FAT1: variants seen among roughly 807,000 people sequenced by gnomAD.
FAT1 encodes FAT atypical cadherin 1, also known as protocadherin Fat 1.
FAT1 carries 171 observed loss-of-function variants against 329.8 expected under a neutral mutation model. That is an observed-to-expected ratio of 0.52 (90% CI 0.46 to 0.59). FAT1 has a LOEUF of 0.59. Among genes scored for constraint, FAT1 ranks in the 20% least tolerant of loss-of-function variants. FAT1 has a pLI of 0.00. For synonymous variants in FAT1, 2,233 were observed against 2,228.6 expected (o/e 1.00, Z -0.06); for missense variants, 5,672 against 5,774.4 (o/e 0.98, Z 0.57).
rs2126350683 is a variant in FAT1 at position 186,588,818 on chromosome 4, T to A, written c.13541A>T (p.Glu4514Val). The A allele has an allele frequency of 6.2e-7, 1 of 1,613,954 alleles. No individual in the cohort carries two copies. Among genetic ancestry groups the A allele is most frequent in the Non-Finnish European group, 8.5e-7 (1 of 1,179,886 alleles). Residue 4514 changes from glutamate (E) to valine (V), a missense_variant, in exon 27 of 27, where the codon GAA (glutamate) becomes GTA (valine). Glu to Val is a moderately radical substitution (Grantham distance 121). This residue lies in a region of FAT1 where 1,706 missense variants were observed against 1,859.1 expected (regional missense o/e 0.92). Transcript: ENST00000441802. ...KGTGENSTCR[E>V]PHAPYPPGYQ... ...CCCTGGCGGGTAAGGGGCATGGGGT[T>A]CTCTACAAGTACTATTCTCACCAGT...
At position 186,617,939 on chromosome 4, in the gene FAT1, A is replaced by G. The variant is rs2126489468; in HGVS notation, c.8647T>C (p.Tyr2883His). The G allele has an allele frequency of 6.2e-7, 1 of 1,614,008 alleles. No individual in the cohort carries two copies. The highest frequency in any genetic ancestry group is 8.5e-7 in the Non-Finnish European group (1 of 1,179,886). The change falls in exon 10 of 27, where the codon TAC (tyrosine) becomes CAC (histidine). Residue 2883 changes from tyrosine (Y) to histidine (H), a missense_variant. Physicochemically the swap from Tyr to His is moderately conservative, Grantham distance 83 (BLOSUM62 2). Transcript: ENST00000441802. ...TCTGATGCAACCACTTTAATCTGGT[A>G]ATTGTCTCTCTTTTCATGGTCAAGT... ...KELDHEKRDN[Y>H]QIKVVASDHG... is the part of the protein sequence containing the mutation.
In FAT1 at chr4:186,619,962, G is replaced by A. The variant is rs769774359; in HGVS notation, c.6624C>T (p.Ser2208=). 1.2e-5 allele frequency: 20 copies of A among 1,613,882 alleles called. No individual in the cohort carries two copies. Among genetic ancestry groups the A allele is most frequent in the Non-Finnish European group, 1.6e-5 (19 of 1,179,892 alleles). Residue 2208 remains serine, a synonymous_variant, in exon 10 of 27, where the codon AGC becomes AGT. Coordinates refer to ENST00000441802, the MANE Select transcript of FAT1 (RefSeq NM_005245.4). The stretch of plus-strand genomic sequence containing the variant: ...TGTAGAACACTTTCAGGCCTTCCGG[G>A]CTGTTAGCCTGCACGTGGACCACAG... ...HSPVVHVQAN[S]PEGLKVFYSI...
At chr4:186,659,306 T>C (rs1742057902) in intron 3 of FAT1, among the ~76,000 whole-genome samples, 1 of 152,194 alleles carries the variant, frequency 6.6e-6, no homozygotes, top group Non-Finnish European at 1.5e-5. Flanking sequence ...ATCCCTGGCA[T>C]TCAGCCTCCC....
chr4:186,610,121 A>G (rs1182775880), intron 14 of FAT1, 106 bp from the exon 15 acceptor site: 2 of 654,778 alleles, frequency 3.1e-6, no homozygotes, highest in Non-Finnish European at 5.2e-6. Flanking sequence ...TTTCACTTCA[A>G]AAGTTTACTT....
At chr4:186,698,420 C>T (rs189837435) in intron 2 of FAT1, among the ~76,000 whole-genome samples, 5 of 152,210 alleles carry the variant, frequency 3.3e-5, no homozygotes, top group African/African-American at 7.2e-5. Flanking sequence ...GACTTACGTG[C>T]GCCCACAAAG....
chr4:186,697,109 C>T (rs1261758870), intron 2 of FAT1, among the ~76,000 whole-genome samples: 1 of 152,142 alleles, frequency 6.6e-6, no homozygotes, highest in Admixed American at 6.5e-5. Flanking sequence ...AGTTTCCTGA[C>T]AGATTGCCTT....
rs2126691614 is a variant in FAT1, at chr4:186,707,822, A to T, written c.2006T>A (p.Leu669Gln). The change falls in exon 2 of 27, where the codon CTG becomes CAG. Residue 669 changes from leucine (L) to glutamine (Q), a missense_variant. Leu to Gln is a moderately radical substitution (Grantham distance 113). Coordinates refer to ENST00000441802, the MANE Select transcript of FAT1 (RefSeq NM_005245.4). ...AGTCTCTTCACACTGCAAGTTTACCAGCTTGTGACTGGCAGCCACTGTTAT... is the reference window on the plus strand; with the variant it reads ...AGTCTCTTCACACTGCAAGTTTACCTGCTTGTGACTGGCAGCCACTGTTAT... ...INITVAASHK[L>Q]VNLQCEETGV... The T allele has an allele frequency of 6.2e-7, 1 of 1,613,746 alleles. No individual in the cohort carries two copies. Among genetic ancestry groups the T allele is most frequent in the Non-Finnish European group, 8.5e-7 (1 of 1,179,896 alleles).
At position 186,628,336 on chromosome 4, in the gene FAT1, C is replaced by G. The variant is rs1050292453; in HGVS notation, c.4628G>C (p.Arg1543Pro). 2 of 1,612,866 alleles carry G rather than the reference C, an allele frequency of 1.2e-6. No homozygotes were observed. The highest frequency in any genetic ancestry group is 1.7e-6 in the Non-Finnish European group (2 of 1,179,368). The change falls in exon 9 of 27, where the codon CGC becomes CCC. Residue 1543 changes from arginine to proline, a missense_variant. Arg to Pro is a moderately radical substitution (Grantham distance 103). Transcript: ENST00000441802. ...MVRDQDVPVK[R>P]NFARIVVNVS... ...ATTGACCACAATCCTTGCAAAGTTG[C>G]GTTTTACAGGCACATCTTGATCTCG...
intron 2 of FAT1, among the ~76,000 whole-genome samples, chr4:186,697,328 G>T (rs1018829013): frequency 6.6e-6 from 1 of 152,208 alleles, no homozygotes; most frequent in Non-Finnish European, 1.5e-5. Flanking sequence ...CTCACAGCAC[G>T]CGAAAGCGCA....
intron 7 of FAT1, among the ~76,000 whole-genome samples, chr4:186,630,365 C>G (rs1740528277): frequency 6.6e-6 from 1 of 152,076 alleles, no homozygotes; most frequent in Non-Finnish European, 1.5e-5. Flanking sequence ...GAACATCCTG[C>G]CTTTCAGAGG....
intron 3 of FAT1, among the ~76,000 whole-genome samples, chr4:186,643,183 C>T (rs567332669): frequency 2.6e-5 from 4 of 152,216 alleles, no homozygotes; most frequent in East Asian, 1.9e-4. Context: ...CCCCAGGGGC[C>T]GGTGACGACA....
chr4:186,661,918 A>T (rs972503906), intron 3 of FAT1, among the ~76,000 whole-genome samples: 2 of 152,174 alleles, frequency 1.3e-5, no homozygotes, highest in Non-Finnish European at 2.9e-5. Flanking sequence ...CTTAACCTGC[A>T]GAATCTGAGG....
At position 186,588,789 on chromosome 4, in the gene FAT1, G is replaced by A. The variant is rs1738083849; in HGVS notation, c.13570C>T (p.Gln4524Ter). The A allele has an allele frequency of 6.2e-7, 1 of 1,614,000 alleles. No individual in the cohort carries two copies. The change falls in exon 27 of 27, where the codon CAA (glutamine) becomes TAA (stop). Residue 4524 changes from glutamine to a stop codon, truncating the protein, a stop_gained. Transcript: ENST00000441802. LOFTEE classifies it high-confidence loss of function. ...EPHAPYPPGYQRHFEAPAVES... is the reference protein window; with the variant it reads ...EPHAPYPPGY ...ACAGCGGGCGCCTCGAAGTGTCTTT[G>A]ATACCCTGGCGGGTAAGGGGCATGG...
In FAT1 at chr4:186,636,902, C is replaced by T. The variant is rs1740852350; in HGVS notation, c.3655G>A (p.Asp1219Asn). ...GTTGATTTGGGGGGACTACCATTGTCTGTCACAGTAACCTGTTTTTTTAAA... is the reference window on the plus strand; with the variant it reads ...GTTGATTTGGGGGGACTACCATTGTTTGTCACAGTAACCTGTTTTTTTAAA... ...DEHILEVTVTDNGSPPKSTIA... is the reference protein window; with the variant it reads ...DEHILEVTVTNNGSPPKSTIA... Residue 1219 changes from aspartate to asparagine, a missense_variant, in exon 5 of 27, where the codon GAC becomes AAC. Transcript: ENST00000441802. 9 of 1,605,114 alleles carry T rather than the reference C, an allele frequency of 5.6e-6. No homozygotes were observed. Among genetic ancestry groups the T allele is most frequent in the South Asian group, 2.2e-5 (2 of 89,878 alleles).
At chr4:186,609,113 A>G in intron 16 of FAT1, 70 bp downstream of exon 16, 2 of 1,557,938 alleles carry the variant, frequency 1.3e-6, no homozygotes, top group Non-Finnish European at 1.7e-6. Context: ...CCAGCAGACA[A>G]GAGCACAAGG....
chr4:186,665,402 T>C (rs978926840), intron 2 of FAT1, among the ~76,000 whole-genome samples: 66 of 152,138 alleles, frequency 4.3e-4, no homozygotes, highest in African/African-American at 1.5e-3. Context: ...TGGTGTGAGA[T>C]GGTATCTCAT....
At position 186,633,806 on chromosome 4, in the gene FAT1, G is replaced by A; in HGVS notation, c.4201C>T (p.His1401Tyr). The A allele has an allele frequency of 6.2e-7, 1 of 1,613,938 alleles. No individual in the cohort carries two copies. Residue 1401 changes from histidine (H) to tyrosine (Y), a missense_variant, in exon 7 of 27, where the codon CAC (histidine) becomes TAC (tyrosine). Around this residue, in one of 2 missense-constraint regions of FAT1, gnomAD observed 3,966 missense variants for 3,915.2 expected, o/e 1.01. Transcript: ENST00000441802. ...CCAGTTCCCTTGTCCACATCGAAGT[G>A]ACTGTCGTAGTTGCCACCTAATTTG... Reference protein sequence around the residue: ...FDITGGNYDSHFDVDKGTGTI... With the variant: ...FDITGGNYDSYFDVDKGTGTI...
Position 186,596,561 on chromosome 4 carries a change from T to C in FAT1, c.12979A>G (p.Ser4327Gly). The C allele has an allele frequency of 1.9e-6, 3 of 1,612,902 alleles. No individual in the cohort carries two copies. In the East Asian group the frequency reaches 6.7e-5, roughly 36 times the overall value. Reference sequence around the variant, plus strand: ...TTACTGTCATAGTCAAAGTCCCAGCTAGGCTTCTGGATGGAGTCGCTGTCA... The same window carrying C: ...TTACTGTCATAGTCAAAGTCCCAGCCAGGCTTCTGGATGGAGTCGCTGTCA... ...PSDSDSIQKP[S>G]WDFDYDTKVV... The change falls in exon 25 of 27, where the codon AGC (serine) becomes GGC (glycine). Residue 4327 changes from serine (S) to glycine (G), a missense_variant. This residue lies in a region of FAT1 where 1,706 missense variants were observed against 1,859.1 expected (regional missense o/e 0.92). Coordinates refer to ENST00000441802, the MANE Select transcript of FAT1 (RefSeq NM_005245.4). The surrounding 1 kb of genome is among the most constrained non-coding windows in gnomAD (Gnocchi z 4.7).
At chr4:186,700,471 T>C (rs1744253268) in intron 2 of FAT1, among the ~76,000 whole-genome samples, 2 of 152,100 alleles carry the variant, frequency 1.3e-5, no homozygotes, top group South Asian at 4.2e-4. Flanking sequence ...TCCTCCTAAT[T>C]GTGCTAGATA....
Sources: allele counts gnomAD v4.1 joint callset (sites outside exome capture counted in the v4.1 genomes callset), GRCh38; gene constraint gnomAD v4.1.1; regional missense constraint gnomAD v4.1.1; non-coding constraint Gnocchi (gnomAD v3.1); transcripts MANE v1.5; gene names NCBI Gene and HGNC (gene_info 2026-07-23, HGNC 2026-07-21).